Variants in FAM20C observed in about 807,000 individuals in gnomAD.
FAM20C encodes the protein FAM20C golgi associated secretory pathway kinase, also known as extracellular serine/threonine protein kinase FAM20C.
In FAM20C, 40 loss-of-function variants were observed where a neutral mutation model predicts 51.5. That is an observed-to-expected ratio of 0.78 (90% CI 0.60 to 1.01). The LOEUF (loss-of-function observed/expected upper bound fraction) is 1.01. FAM20C is among the 50% of genes least tolerant of loss of function. The pLI is 0.00. For missense variants in FAM20C, 861 were observed against 844.7 expected, an observed-to-expected ratio of 1.02 and a Z score of -0.24; for synonymous variants, 406 against 380.6, an observed-to-expected ratio of 1.07 and a Z score of -0.78.
intron 3 of FAM20C, among the ~76,000 whole-genome samples, chr7:213,741 C>T (rs1786835357): frequency 6.6e-6 from 1 of 152,152 alleles, no homozygotes; most frequent in African/African-American, 2.4e-5. Flanking sequence ...AACTGACTGT[C>T]CGTTTTCTGC....
chr7:241,693 T>C (rs1326006159), intron 3 of FAM20C, among the ~76,000 whole-genome samples: 1 of 152,156 alleles, frequency 6.6e-6, no homozygotes, highest in Admixed American at 6.5e-5. Flanking sequence ...TGTGCACATA[T>C]GTGTGTGCAC....
chr7:233,746 C>T (rs1297349723), intron 3 of FAM20C, among the ~76,000 whole-genome samples: 1 of 152,234 alleles, frequency 6.6e-6, no homozygotes, highest in African/African-American at 2.4e-5. Flanking sequence ...CCACGCGAGG[C>T]AGCAGTCACA....
intron 3 of FAM20C, among the ~76,000 whole-genome samples, chr7:210,230 G>A (rs1220401691): frequency 6.6e-6 from 1 of 151,594 alleles, no homozygotes; most frequent in African/African-American, 2.4e-5. Context: ...CCTGCGGGGG[G>A]CCTGAGATCA....
chr7:228,146 C>T (rs1026831393), intron 3 of FAM20C: 10 of 314,062 alleles, frequency 3.2e-5, no homozygotes, highest in African/African-American at 1.9e-4. Flanking sequence ...CCTGTGCCTG[C>T]GTAACGAAAC....
intron 6 of FAM20C, 98 bp from the exon 7 acceptor site, chr7:256,556 A>G: frequency 2.0e-6 from 2 of 1,000,824 alleles, no homozygotes; most frequent in Non-Finnish European, 1.5e-6. Context: ...GCAGACGCCA[A>G]GGTCCCTGCC....
At chr7:254,497 G>A (rs1275207671) in intron 5 of FAM20C, among the ~76,000 whole-genome samples, 1 of 152,242 alleles carries the variant, frequency 6.6e-6, no homozygotes, top group East Asian at 1.9e-4. Context: ...AATAAATACA[G>A]GAATAGCGCC....
In FAM20C at chr7:222,876, G is replaced by A. The variant is rs576681445; in HGVS notation, c.863+13900G>A. Among the ~76,000 whole-genome samples, 31 of 35,810 alleles carry A rather than the reference G, an allele frequency of 8.7e-4. 1 individual carries two copies. The highest frequency in any genetic ancestry group is 4.3e-3 in the South Asian group (3 of 700). The allele number at this position is 35,810 out of a possible 152,430, so 23.5% of individuals were successfully genotyped here. On this transcript the variant is annotated intron_variant, in intron 3 of 9. Coordinates refer to ENST00000313766, the MANE Select transcript of FAM20C (RefSeq NM_020223.4). The stretch of plus-strand genomic sequence containing the variant: ...TGTGTGGGTGCACGTGTCGGTGTGC[G>A]TGTGTGACGTGTACATGTGTAACGT...
At position 192,968 on chromosome 7, in the gene FAM20C, C is replaced by A; in HGVS notation, c.-232C>A. On this transcript the variant is annotated 5_prime_UTR_variant, in exon 1 of 10. Transcript: ENST00000313766. ...GACCCCTGGGCTCCCCGGCTGAGGG[C>A]GCGGCCGCTCCGGAGAGGCCGAGCG... is the stretch of plus-strand genomic sequence containing the variant. The A allele has an allele frequency of 5.8e-6, 1 of 173,720 alleles. No homozygotes were observed. The highest frequency in any genetic ancestry group is 1.2e-5 in the Non-Finnish European group (1 of 85,036). 10.8% of individuals were successfully genotyped at this position (173,720 alleles called of 1,614,324 possible).
At chr7:231,043 C>G (rs1787652594) in intron 3 of FAM20C, among the ~76,000 whole-genome samples, 1 of 152,062 alleles carries the variant, frequency 6.6e-6, no homozygotes, top group Non-Finnish European at 1.5e-5. Flanking sequence ...GAAAAGACGG[C>G]CTGGGAGATG....
rs1463869841 is a variant in FAM20C at position 193,705 on chromosome 7, T to C, written c.506T>C (p.Leu169Pro). 2 of 1,546,066 alleles carry C rather than the reference T, an allele frequency of 1.3e-6. No homozygotes were observed. The highest frequency in any genetic ancestry group is 8.7e-7 in the Non-Finnish European group (1 of 1,145,008). ...SLLARLFEHP[L>P]YRVAVPPLTE... ...CTGGCCAGGCTGTTCGAGCACCCGC[T>C]TTACCGGGTGGCGGTTCCGCCGCTC... The change falls in exon 1 of 10, where the codon CTT becomes CCT. Residue 169 changes from leucine (L) to proline (P), a missense_variant. Transcript: ENST00000313766.
intron 8 of FAM20C, chr7:257,319 C>G (rs1314789087): frequency 5.4e-6 from 3 of 558,686 alleles, no homozygotes; most frequent in Non-Finnish European, 9.6e-6. Context: ...CAGACCAAGT[C>G]CCGGCAGAGC....
chr7:256,185 T>A lies in FAM20C; in HGVS notation c.1253+156T>A, dbSNP rs74203528. 1.1e-4 allele frequency: 112 copies of A among 979,540 alleles called. 1 individual carries two copies. The South Asian group carries it at 1.7e-3, about 14-fold the overall frequency. 60.7% of individuals were successfully genotyped at this position (979,540 alleles called of 1,614,324 possible). On this transcript the variant is annotated intron_variant, in intron 6 of 9. Coordinates refer to ENST00000313766, the MANE Select transcript of FAM20C (RefSeq NM_020223.4). ...CCTGTGTGAGATGACCGCTTCCTGA[T>A]GAGACGGTGGCAGAGGGCGTCCTTA...
rs143027699 is a variant in FAM20C at position 259,974 on chromosome 7, G to A, written c.1749G>A (p.Ala583=). The change falls in exon 10 of 10, where the codon GCG becomes GCA. Residue 583 remains alanine, a synonymous_variant. Transcript: ENST00000313766. ...ACACTGAGCACAGAGCCGCCTCGGC[G>A]AGGTAGTGTCCGCCGGCCGCTGCGC... is the stretch of plus-strand genomic sequence containing the variant. ...DLDTEHRAAS[A]R 117,899 of 1,511,920 alleles carry A rather than the reference G, an allele frequency of 0.078. 5,038 individuals are homozygous for A. Among genetic ancestry groups the A allele is most frequent in the Non-Finnish European group, 0.088 (99,558 of 1,128,116 alleles). 93.7% of individuals were successfully genotyped at this position (1,511,920 alleles called of 1,614,324 possible). A position where few individuals can be genotyped will look rare whatever the true frequency, so the allele number is the denominator to read the frequency against.
intron 5 of FAM20C, among the ~76,000 whole-genome samples, chr7:250,335 T>C (rs770443530): frequency 6.6e-6 from 1 of 151,476 alleles, no homozygotes; most frequent in Non-Finnish European, 1.5e-5. Flanking sequence ...CAAAGCCCAT[T>C]AATAAGAGAA....
chr7:257,386 G>A (rs149026833), intron 8 of FAM20C: 4,381 of 397,476 alleles, frequency 0.011, 104 homozygotes, highest in East Asian at 0.06. Context: ...GAGCAGGACC[G>A]TGCAGAATAG....
chr7:243,047 CA>C lies in FAM20C; in HGVS notation c.864-3367del, dbSNP rs1562390463. ...TGCTAACCAGGAGACCTGTGCCACC[CA>C]GGAGACCTGTGCCACCCGGGAGACC... On this transcript the variant is annotated intron_variant, in intron 3 of 9. Coordinates refer to ENST00000313766, the MANE Select transcript of FAM20C (RefSeq NM_020223.4). Among the ~76,000 whole-genome samples, 620 of 148,924 alleles carry C rather than the reference CA, an allele frequency of 4.2e-3. 109 individuals carry two copies. The highest frequency in any genetic ancestry group is 5.9e-3 in the Non-Finnish European group (397 of 67,290).
intron 2 of FAM20C, among the ~76,000 whole-genome samples, chr7:198,552 C>T (rs1255606856): frequency 6.6e-6 from 1 of 152,176 alleles, no homozygotes; most frequent in Non-Finnish European, 1.5e-5. Flanking sequence ...CTCTGAGGAA[C>T]AGGAGTGGGT....
At chr7:224,145 A>ACG (rs1787366059) in intron 3 of FAM20C, among the ~76,000 whole-genome samples, 2 of 113,916 alleles carry the variant, frequency 1.8e-5, no homozygotes, top group South Asian at 2.9e-4. Flanking sequence ...GGGGTCTCAC[A>ACG]GCGGCTGTCC....
intron 2 of FAM20C, among the ~76,000 whole-genome samples, chr7:199,906 T>C (rs1786051631): frequency 6.6e-6 from 1 of 152,214 alleles, no homozygotes; most frequent in Non-Finnish European, 1.5e-5. Context: ...TGGACTGAAA[T>C]ACAGACTTCA....
Sources: gnomAD v4.1 joint callset for allele counts (sites outside exome capture counted in the v4.1 genomes callset) on GRCh38, gnomAD v4.1.1 for gene constraint, MANE v1.5 for transcripts, NCBI Gene and HGNC (gene_info 2026-07-23, HGNC 2026-07-21) for gene names.